PVT1: variants seen among roughly 807,000 people sequenced by gnomAD.
The protein encoded by PVT1 is Pvt1 oncogene, also known as CXCR4/PVT1 fusion.
At chr8:128,030,183 T>C (rs1259579804) in intron 4 of PVT1, among the ~76,000 whole-genome samples, 1 of 152,204 alleles carries the variant, frequency 6.6e-6, no homozygotes, top group South Asian at 2.1e-4. Context: ...CATGTACATA[T>C]GTATGCATAC....
At chr8:128,055,507 T>C (rs578128347) in intron 4 of PVT1, among the ~76,000 whole-genome samples, 21 of 152,338 alleles carry the variant, frequency 1.4e-4, no homozygotes, top group Admixed American at 1.4e-3. Context: ...CACATAATGC[T>C]GCTTATTCTA....
At chr8:128,061,961 C>T (rs149724500) in intron 4 of PVT1, among the ~76,000 whole-genome samples, 2,425 of 152,352 alleles carry the variant, frequency 0.016, 27 homozygotes, top group Middle Eastern at 0.071. Flanking sequence ...TTTTAATTAT[C>T]ACATGACCTG....
chr8:127,949,074 G>C (rs72718597), intron 3 of PVT1, among the ~76,000 whole-genome samples: 121 of 152,328 alleles, frequency 7.9e-4, no homozygotes, highest in Non-Finnish European at 1.5e-3. Context: ...GTAGCCTTTG[G>C]CTGGGGAGGG....
In PVT1 at chr8:127,858,355, G is replaced by A. The variant is rs528334197; in HGVS notation, n.373-32234G>A. ...CTGGGAGGCGGAGGTTGCAGTGAGC[G>A]GATATTGTGCCATTGCACTCCAGCC... On this transcript the variant is annotated intron_variant and non_coding_transcript_variant, in intron 2 of 10. Transcript: ENST00000651587. 1.3e-4 allele frequency among the ~76,000 whole-genome samples: 19 copies of A among 151,782 alleles called. No homozygotes were observed. In the East Asian group the frequency reaches 2.7e-3, roughly 22 times the overall value.
chr8:128,075,900 C>G (rs1009954567), intron 5 of PVT1, among the ~76,000 whole-genome samples: 2 of 152,182 alleles, frequency 1.3e-5, no homozygotes, highest in Admixed American at 6.5e-5. Context: ...GTTGACAAAC[C>G]CAGCCAGGTT....
At chr8:127,802,479 G>A (rs1269606182) in intron 2 of PVT1, among the ~76,000 whole-genome samples, 1 of 152,172 alleles carries the variant, frequency 6.6e-6, no homozygotes, top group Admixed American at 6.5e-5. Flanking sequence ...GCCTCCTATA[G>A]TTCTAGGGTT....
At chr8:127,846,972 C>T (rs1471270312) in intron 2 of PVT1, among the ~76,000 whole-genome samples, 1 of 143,162 alleles carries the variant, frequency 7.0e-6, no homozygotes, top group Admixed American at 7.2e-5. Context: ...TGAGCCATTG[C>T]ACATGGCCTT....
intron 3 of PVT1, among the ~76,000 whole-genome samples, chr8:127,954,921 A>G (rs765954980): frequency 2.0e-5 from 3 of 152,174 alleles, no homozygotes; most frequent in Non-Finnish European, 4.4e-5. Context: ...CCTTTATTCA[A>G]AACATTTAGG....
At chr8:127,961,991 T>C (rs1816648580) in intron 3 of PVT1, among the ~76,000 whole-genome samples, 1 of 152,276 alleles carries the variant, frequency 6.6e-6, no homozygotes, top group Admixed American at 6.5e-5. Flanking sequence ...ATTTTTTTTT[T>C]TGAGACGGAG....
At chr8:128,019,655 A>T (rs953548601) in intron 4 of PVT1, among the ~76,000 whole-genome samples, 2 of 152,178 alleles carry the variant, frequency 1.3e-5, no homozygotes, top group Non-Finnish European at 2.9e-5. Context: ...TGCCATTTTT[A>T]TTTACGGTAT....
chr8:127,980,338 C>T (rs78278599), intron 3 of PVT1, among the ~76,000 whole-genome samples: 2,303 of 152,260 alleles, frequency 0.015, 67 homozygotes, highest in African/African-American at 0.053. Context: ...ATGTCAGTCA[C>T]GATTACTACC....
chr8:127,890,979 G>A (rs931369124), exon 3 of PVT1: 5 of 152,464 alleles, frequency 3.3e-5, no homozygotes, highest in Admixed American at 6.5e-5. Flanking sequence ...CGTTCCATCC[G>A]GCGCTCAGCT....
intron 3 of PVT1, among the ~76,000 whole-genome samples, chr8:127,915,612 C>CAAAAAAAAA (rs61238663): frequency 1.6e-5 from 1 of 64,506 alleles, no homozygotes; most frequent in Non-Finnish European, 3.1e-5. Context: ...AACTCCATCT[C>CAAAAAAAAA]AAAAAAAAAA....
At chr8:127,973,836 C>T (rs1025895785) in intron 3 of PVT1, among the ~76,000 whole-genome samples, 9 of 151,778 alleles carry the variant, frequency 5.9e-5, no homozygotes, top group Non-Finnish European at 7.4e-5. Context: ...AAAAATTAGC[C>T]GGGCGTGGTG....
At position 127,819,536 on chromosome 8, in the gene PVT1, ACT is replaced by A. The variant is rs145521078; in HGVS notation, n.372+23470_372+23471del. ...AGCAGGGCACGCTGGGATTTGAAAGACTCTCTATGTGTCCTAACTGGTATGCT... is the reference window on the plus strand; with the variant it reads ...AGCAGGGCACGCTGGGATTTGAAAGACTCTATGTGTCCTAACTGGTATGCT... On this transcript the variant is annotated intron_variant and non_coding_transcript_variant, in intron 2 of 10. Coordinates refer to ENST00000651587, the Ensembl canonical transcript of PVT1. Among the ~76,000 whole-genome samples, 49 of 151,852 alleles carry A rather than the reference ACT, an allele frequency of 3.2e-4. 1 individual carries two copies. The East Asian group carries it at 9.1e-3, about 28-fold the overall frequency.
At chr8:127,889,097 T>A (rs1383579777) in intron 2 of PVT1, among the ~76,000 whole-genome samples, 1 of 140,728 alleles carries the variant, frequency 7.1e-6, no homozygotes, top group South Asian at 2.3e-4. Flanking sequence ...CCTTCCTTCC[T>A]TCCCTCCTTC....
intron 4 of PVT1, among the ~76,000 whole-genome samples, chr8:128,056,438 C>G (rs1000284374): frequency 6.6e-6 from 1 of 152,126 alleles, no homozygotes; most frequent in East Asian, 1.9e-4. Flanking sequence ...ATATTCATTG[C>G]GTGTATACAT....
At chr8:128,045,145 C>T (rs1563674257) in intron 4 of PVT1, among the ~76,000 whole-genome samples, 1 of 152,170 alleles carries the variant, frequency 6.6e-6, no homozygotes, top group East Asian at 1.9e-4. Context: ...TTTGCTGGGG[C>T]AGCCCTTGGA....
chr8:127,800,886 G>A (rs1002521393), intron 2 of PVT1, among the ~76,000 whole-genome samples: 2 of 152,194 alleles, frequency 1.3e-5, no homozygotes, highest in African/African-American at 4.8e-5. Flanking sequence ...AGTGCTGTGG[G>A]AACAGGCCTA....
Sources: gnomAD v4.1 joint callset for allele counts (sites outside exome capture counted in the v4.1 genomes callset) on GRCh38, gnomAD v4.1.1 for gene constraint, MANE v1.5 for transcripts, NCBI Gene and HGNC (gene_info 2026-07-23, HGNC 2026-07-21) for gene names.